Variants in KLRG1 observed in about 807,000 individuals in gnomAD.
KLRG1 encodes killer cell lectin like receptor G1, also known as killer cell lectin-like receptor subfamily G member 1.
Under a neutral mutation model 21.8 loss-of-function variants are expected in KLRG1, and 16 were observed. The ratio of observed to expected loss-of-function variants is 0.73; its 90% CI spans 0.50 to 1.11. KLRG1 has a LOEUF of 1.11. Ranked by LOEUF, KLRG1 falls within the 50% of genes most tolerant of loss-of-function variation. KLRG1 has a pLI of 0.00. For synonymous variants in KLRG1, 69 were observed against 75.9 expected, an observed-to-expected ratio of 0.91 and a Z score of 0.47; for missense variants, 173 against 218.3, an observed-to-expected ratio of 0.79 and a Z score of 1.31.
At chr12:9,108,177 G>A in the KLRG1 span, among the ~76,000 whole-genome samples, 1 of 152,008 alleles carries the variant, frequency 6.6e-6, no homozygotes, top group East Asian at 1.9e-4. Context: ...CCAGGCTGGA[G>A]TGCAGTGGTG....
chr12:9,208,769 T>C, the KLRG1 span, among the ~76,000 whole-genome samples: 1 of 152,206 alleles, frequency 6.6e-6, no homozygotes, highest in African/African-American at 2.4e-5. Context: ...GAGTGAGTTA[T>C]AACTATAGAC....
At chr12:8,998,735 A>T (rs1275576955) in intron 3 of KLRG1, among the ~76,000 whole-genome samples, 1 of 151,870 alleles carries the variant, frequency 6.6e-6, no homozygotes, top group East Asian at 1.9e-4. Context: ...AAAGTCACTT[A>T]TAGAAATATC....
chr12:9,184,384 C>G, the KLRG1 span, among the ~76,000 whole-genome samples: 1 of 152,236 alleles, frequency 6.6e-6, no homozygotes, highest in Non-Finnish European at 1.5e-5. Context: ...TTCATACAGT[C>G]CTGCACCCAC....
At chr12:9,031,578 C>T in the KLRG1 span, among the ~76,000 whole-genome samples, 3 of 152,174 alleles carry the variant, frequency 2.0e-5, no homozygotes, top group African/African-American at 7.2e-5. Context: ...AAGAGTCAAA[C>T]TCTATAAAAT....
At chr12:8,974,416 C>A (rs1946623403) in intron 1 of KLRG1, among the ~76,000 whole-genome samples, 1 of 152,140 alleles carries the variant, frequency 6.6e-6, no homozygotes, top group Non-Finnish European at 1.5e-5. Context: ...ATCCACCCAC[C>A]TCGGCCTCCC....
the KLRG1 span, among the ~76,000 whole-genome samples, chr12:9,183,717 T>A: frequency 6.6e-6 from 1 of 152,204 alleles, no homozygotes; most frequent in South Asian, 2.1e-4. Context: ...ATGATTATAT[T>A]AAAGCCTGAG....
chr12:9,090,488 A>G, the KLRG1 span: 1 of 1,613,528 alleles, frequency 6.2e-7, no homozygotes, highest in Non-Finnish European at 8.5e-7. Flanking sequence ...CTGACCTGAA[A>G]CCACACATAA....
chr12:9,075,447 A>T, the KLRG1 span, among the ~76,000 whole-genome samples: 11 of 152,098 alleles, frequency 7.2e-5, no homozygotes, highest in African/African-American at 2.4e-4. Context: ...AGCAAAACAT[A>T]AAAAAAATCC....
At chr12:9,107,716 C>G in the KLRG1 span, 3 of 1,552,462 alleles carry the variant, frequency 1.9e-6, no homozygotes, top group Admixed American at 5.1e-5. Flanking sequence ...ATTTATATCT[C>G]CCCTTTAGCT....
the KLRG1 span, among the ~76,000 whole-genome samples, chr12:9,189,216 G>A: frequency 2.0e-5 from 3 of 152,108 alleles, no homozygotes; most frequent in African/African-American, 7.2e-5. Flanking sequence ...AAAGAAGAAA[G>A]GAGGAGGCAT....
chr12:9,185,818 T>TCTTTTCTTTTCTTTTCTTTTCTTTTC, the KLRG1 span, among the ~76,000 whole-genome samples: 30 of 150,394 alleles, frequency 2.0e-4, no homozygotes, highest in Non-Finnish European at 3.7e-4. Flanking sequence ...TCTTTTCTTT[T>TCTTTTCTTTTCTTTTCTTTTCTTTTC]TTTTTTTCTT....
chr12:9,196,904 G>A, the KLRG1 span: 2 of 921,564 alleles, frequency 2.2e-6, no homozygotes, highest in Non-Finnish European at 3.4e-6. Context: ...TTTTTGGTGG[G>A]GGATATTTTG....
chr12:9,191,369 T>C, the KLRG1 span, among the ~76,000 whole-genome samples: 2 of 152,108 alleles, frequency 1.3e-5, no homozygotes, highest in Non-Finnish European at 2.9e-5. Flanking sequence ...AAAACTGATA[T>C]TCAAAACTGG....
chr12:9,008,382 G>T (rs1485411036), intron 3 of KLRG1, among the ~76,000 whole-genome samples: 1 of 152,218 alleles, frequency 6.6e-6, no homozygotes, highest in Admixed American at 6.5e-5. Flanking sequence ...TCCAGTTATT[G>T]ACAGAAAGGT....
chr12:9,133,347 T>A, the KLRG1 span, among the ~76,000 whole-genome samples: 2 of 152,182 alleles, frequency 1.3e-5, no homozygotes, highest in Non-Finnish European at 2.9e-5. Context: ...GAGATGGATA[T>A]TATTTAGTCA....
chr12:9,018,351 A>G, the KLRG1 span, among the ~76,000 whole-genome samples: 2 of 152,156 alleles, frequency 1.3e-5, no homozygotes, highest in Non-Finnish European at 2.9e-5. Context: ...AAACTAGAGG[A>G]ATCATATTAC....
chr12:8,955,879 G>A (rs1024951052), intron 1 of KLRG1, among the ~76,000 whole-genome samples: 2 of 151,982 alleles, frequency 1.3e-5, no homozygotes, highest in African/African-American at 4.8e-5. Context: ...GCCAGTTCTG[G>A]GTAGAATCTA....
the KLRG1 span, chr12:9,168,545 G>T: frequency 4.5e-6 from 1 of 223,202 alleles, no homozygotes; most frequent in Non-Finnish European, 8.7e-6. Context: ...TTAAAATACA[G>T]CATCCCTATG....
chr12:8,981,981 A>G (rs948751056), intron 1 of KLRG1, among the ~76,000 whole-genome samples: 3 of 152,190 alleles, frequency 2.0e-5, no homozygotes, highest in African/African-American at 7.2e-5. Flanking sequence ...TAATTATGAA[A>G]TGTACCTCTT....
Sources: gnomAD v4.1 joint callset for allele counts (sites outside exome capture counted in the v4.1 genomes callset) on GRCh38, gnomAD v4.1.1 for gene constraint, MANE v1.5 for transcripts, NCBI Gene and HGNC (gene_info 2026-07-23, HGNC 2026-07-21) for gene names.